ABCC1: variants seen among roughly 807,000 people sequenced by gnomAD.
The protein encoded by ABCC1 is multidrug resistance-associated protein 1.
A neutral mutation model predicts 172.9 loss-of-function variants in ABCC1; 83 were observed. That is an observed-to-expected ratio of 0.48 (90% CI 0.40 to 0.58). The LOEUF (loss-of-function observed/expected upper bound fraction) is 0.58. ABCC1 is among the 20% of genes least tolerant of loss of function. The pLI is 0.00. For synonymous variants in ABCC1, 937 were observed against 825.2 expected (o/e 1.14, Z -2.32); for missense variants, 1,817 against 2,002.7 (o/e 0.91, Z 1.77).
chr16:15,998,849 T>TG (rs1432504540), intron 1 of ABCC1, among the ~76,000 whole-genome samples: 1 of 152,176 alleles, frequency 6.6e-6, no homozygotes, highest in Non-Finnish European at 1.5e-5. Flanking sequence ...ACAGTGGTGG[T>TG]GGCAGTGGTG....
chr16:16,020,236 G>T (rs2048148293), intron 5 of ABCC1, among the ~76,000 whole-genome samples: 1 of 152,150 alleles, frequency 6.6e-6, no homozygotes, highest in Non-Finnish European at 1.5e-5. Flanking sequence ...TCTGCCTCTT[G>T]TGCAGTGAGA....
chr16:16,127,984 G>A (rs1211608708), intron 26 of ABCC1, among the ~76,000 whole-genome samples: 1 of 146,296 alleles, frequency 6.8e-6, no homozygotes, highest in African/African-American at 2.6e-5. Context: ...GCAGTGGCAC[G>A]ATCTCAGCTC....
chr16:15,992,680 C>T (rs2046908601), intron 1 of ABCC1, among the ~76,000 whole-genome samples: 1 of 152,208 alleles, frequency 6.6e-6, no homozygotes, highest in South Asian at 2.1e-4. Context: ...GGATTACAGG[C>T]GTGAGCCACT....
chr16:16,038,720 C>T (rs1181348436), intron 7 of ABCC1, among the ~76,000 whole-genome samples: 1 of 152,180 alleles, frequency 6.6e-6, no homozygotes, highest in Non-Finnish European at 1.5e-5. Context: ...CATCTGGATT[C>T]CTTCAGCCTC....
In ABCC1 at chr16:16,091,028, G is replaced by T. The variant is rs529145564; in HGVS notation, c.2644+440G>T. Among the ~76,000 whole-genome samples, 9 of 152,254 alleles carry T rather than the reference G, an allele frequency of 5.9e-5. No homozygotes were observed. In the South Asian group the frequency reaches 1.9e-3, roughly 32 times the overall value. On this transcript the variant is annotated intron_variant, in intron 19 of 30. Transcript: ENST00000399410. ...CACGGAGTTAAGCTGGCAGGCTCGG[G>T]TTGGTGACGTCTGGGTTCAATCCCC...
At chr16:16,124,054 C>T (rs975263246) in intron 24 of ABCC1, among the ~76,000 whole-genome samples, 2 of 152,098 alleles carry the variant, frequency 1.3e-5, no homozygotes, top group Non-Finnish European at 1.5e-5. Flanking sequence ...ATTTCTGTTT[C>T]TATTTTAAAG....
chr16:15,968,152 C>T (rs189088669), intron 1 of ABCC1, among the ~76,000 whole-genome samples: 2 of 152,082 alleles, frequency 1.3e-5, no homozygotes, highest in Admixed American at 6.6e-5. Flanking sequence ...CTCAGCCTCC[C>T]GAGTAGCTGG....
In ABCC1 at chr16:16,138,505, C is replaced by CTTTTT; in HGVS notation, c.4435_4436insTTTTT (p.Cys1479PhefsTer21). On this transcript the variant is annotated frameshift_variant, in exon 30 of 31. Transcript: ENST00000399410. LOFTEE classifies it high-confidence loss of function. ...CCACCATCCGGACACAGTTCGAGGA[C>CTTTTT]TGCACCGTCCTCACCATCGCCCACC... 1.2e-6 allele frequency: 2 copies of CTTTTT among 1,610,622 alleles called. No homozygotes were observed. The highest frequency in any genetic ancestry group is 1.7e-6 in the Non-Finnish European group (2 of 1,177,282).
At chr16:16,086,791 A>G in intron 17 of ABCC1, 33 bp from the exon 18 acceptor site, 1 of 1,607,090 alleles carries the variant, frequency 6.2e-7, no homozygotes, top group South Asian at 1.1e-5. Context: ...AAGATTTCCC[A>G]GGAAACCCAC....
chr16:15,992,026 C>T (rs1418264514), intron 1 of ABCC1, among the ~76,000 whole-genome samples: 1 of 152,142 alleles, frequency 6.6e-6, no homozygotes, highest in Non-Finnish European at 1.5e-5. Context: ...CGCTCCCCAT[C>T]TTTTGCATCA....
At chr16:16,110,203 C>T (rs140852360) in intron 21 of ABCC1, among the ~76,000 whole-genome samples, 5 of 151,850 alleles carry the variant, frequency 3.3e-5, no homozygotes, top group East Asian at 3.9e-4. Context: ...TGGCTTCAAG[C>T]GACCCTTGTG....
At chr16:15,975,660 G>A (rs1714884806) in intron 1 of ABCC1, among the ~76,000 whole-genome samples, 1 of 151,666 alleles carries the variant, frequency 6.6e-6, no homozygotes, top group African/African-American at 2.4e-5. Flanking sequence ...GGGTTCAAAC[G>A]ATTCTCCTTC....
chr16:16,018,795 G>A (rs1044650295), intron 5 of ABCC1, among the ~76,000 whole-genome samples: 1 of 32,268 alleles, frequency 3.1e-5, no homozygotes, highest in Admixed American at 3.2e-4. Context: ...GTTCATGTAT[G>A]TGTGTGTTTG....
At position 16,086,931 on chromosome 16, in the gene ABCC1, C is replaced by G; in HGVS notation, c.2400C>G (p.Ala800=). 3 of 1,614,172 alleles carry G rather than the reference C, an allele frequency of 1.9e-6. No individual in the cohort carries two copies. The highest frequency in any genetic ancestry group is 2.5e-6 in the Non-Finnish European group (3 of 1,180,046). ...ATGATCCCCTCTCAGCAGTGGATGCCCATGTGGGAAAACACATCTTTGAAA... is the reference window on the plus strand; with the variant it reads ...ATGATCCCCTCTCAGCAGTGGATGCGCATGTGGGAAAACACATCTTTGAAA... ...LFDDPLSAVD[A]HVGKHIFENV... Residue 800 remains alanine, a synonymous_variant, in exon 18 of 31, where the codon GCC becomes GCG. Transcript: ENST00000399410.
intron 13 of ABCC1, 88 bp from the exon 14 acceptor site, chr16:16,071,554 C>G: frequency 1.8e-6 from 2 of 1,108,422 alleles, no homozygotes; most frequent in Non-Finnish European, 1.3e-6. Context: ...CCCTCCACAC[C>G]TGGGGAAACC....
intron 15 of ABCC1, among the ~76,000 whole-genome samples, chr16:16,078,506 T>C (rs1216965601): frequency 6.6e-6 from 1 of 152,206 alleles, no homozygotes; most frequent in African/African-American, 2.4e-5. Context: ...TCAGGTGTCT[T>C]AGCACAGCGT....
rs574445788 is a variant in ABCC1 at position 15,950,492 on chromosome 16, C to T, written c.48+693C>T. On this transcript the variant is annotated intron_variant, in intron 1 of 30. Transcript: ENST00000399410. The stretch of plus-strand genomic sequence containing the variant: ...CGCCCAGGACCCTGGTAGCTGTGGT[C>T]CTGCCCTCCCTTCCCTGCAACACGT... 3.9e-5 allele frequency among the ~76,000 whole-genome samples: 6 copies of T among 152,230 alleles called. No individual in the cohort carries two copies. In the South Asian group the frequency reaches 1.2e-3, roughly 32 times the overall value.
chr16:16,071,869 C>T, intron 14 of ABCC1, 140 bp downstream of exon 14: 2 of 754,288 alleles, frequency 2.7e-6, no homozygotes, highest in South Asian at 1.7e-5. Context: ...CCCCGGGGGA[C>T]AAGGGTTCTG....
intron 20 of ABCC1, among the ~76,000 whole-genome samples, chr16:16,105,162 C>T (rs528659675): frequency 7.6e-4 from 116 of 152,212 alleles, no homozygotes; most frequent in Non-Finnish European, 1.5e-3. Context: ...GCGAGGGCTG[C>T]GAGGGCTGCC....
Sources: allele counts gnomAD v4.1 joint callset (sites outside exome capture counted in the v4.1 genomes callset), GRCh38; gene constraint gnomAD v4.1.1; transcripts MANE v1.5; gene names NCBI Gene and HGNC (gene_info 2026-07-23, HGNC 2026-07-21).